Variants in SLC6A11 observed in about 807,000 individuals in gnomAD.
SLC6A11 encodes solute carrier family 6 member 11, also known as sodium- and chloride-dependent GABA transporter 3.
In SLC6A11, 25 loss-of-function variants were observed where a neutral mutation model predicts 74.8. That is an observed-to-expected ratio of 0.33 (90% confidence interval 0.24 to 0.47). The LOEUF (loss-of-function observed/expected upper bound fraction) is 0.47. Ranked by LOEUF, SLC6A11 falls within the 20% of genes least tolerant of loss-of-function variation. SLC6A11 has a pLI of 1.00. For synonymous variants in SLC6A11, 330 were observed against 330.2 expected (o/e 1.00, Z 0.01); for missense variants, 574 against 837.0 (o/e 0.69, Z 3.88).
chr3:10,914,185 A>G (rs553415846), intron 7 of SLC6A11, among the ~76,000 whole-genome samples: 2 of 152,158 alleles, frequency 1.3e-5, no homozygotes, highest in Non-Finnish European at 2.9e-5. Flanking sequence ...CGTCCCTCCC[A>G]CATTACCCCA....
chr3:10,892,614 C>G (rs1327614708), intron 6 of SLC6A11, among the ~76,000 whole-genome samples: 3 of 151,052 alleles, frequency 2.0e-5, no homozygotes, highest in East Asian at 3.9e-4. Context: ...TATTTTCCCC[C>G]TTATGATCCA....
intron 5 of SLC6A11, among the ~76,000 whole-genome samples, chr3:10,868,344 C>A (rs1694789615): frequency 6.6e-6 from 1 of 152,186 alleles, no homozygotes; most frequent in South Asian, 2.1e-4. Flanking sequence ...TGTGGCATTC[C>A]AAATGATCAG....
rs141782826 is a variant in SLC6A11 at position 10,835,622 on chromosome 3, G to A, written c.624-8592G>A. Among the ~76,000 whole-genome samples, 62 of 152,284 alleles carry A rather than the reference G, an allele frequency of 4.1e-4. No homozygotes were observed. The East Asian group carries it at 0.011, about 27-fold the overall frequency. On this transcript the variant is annotated intron_variant, in intron 4 of 13. Coordinates refer to ENST00000254488, the MANE Select transcript of SLC6A11 (RefSeq NM_014229.3). The stretch of plus-strand genomic sequence containing the variant: ...CACCCTCCAGCCACAGAGGGGCAGC[G>A]CAGGCATTAAACTTGGGATCAAGAG...
chr3:10,868,946 A>G (rs1056109712), intron 5 of SLC6A11, among the ~76,000 whole-genome samples: 7 of 152,152 alleles, frequency 4.6e-5, no homozygotes, highest in African/African-American at 1.2e-4. Context: ...ATCTGATTCA[A>G]TTTTCTGAAT....
intron 3 of SLC6A11, among the ~76,000 whole-genome samples, chr3:10,822,597 G>A (rs1399866675): frequency 6.6e-6 from 1 of 152,204 alleles, no homozygotes; most frequent in Non-Finnish European, 1.5e-5. Flanking sequence ...TCAGGGGAGG[G>A]AGGTTGGGGA....
At chr3:10,902,812 A>G (rs1695257055) in intron 6 of SLC6A11, among the ~76,000 whole-genome samples, 1 of 152,146 alleles carries the variant, frequency 6.6e-6, no homozygotes, top group South Asian at 2.1e-4. Flanking sequence ...CAATTAGGAG[A>G]TTCATTTGTT....
intron 5 of SLC6A11, among the ~76,000 whole-genome samples, chr3:10,873,495 C>A (rs1559566803): frequency 6.6e-6 from 1 of 151,508 alleles, no homozygotes; most frequent in African/African-American, 2.4e-5. Flanking sequence ...CTACCCTATG[C>A]TATCCTATCC....
chr3:10,849,399 G>C (rs1397576312), intron 5 of SLC6A11, among the ~76,000 whole-genome samples: 1 of 152,046 alleles, frequency 6.6e-6, no homozygotes, highest in Non-Finnish European at 1.5e-5. Context: ...GCCCATCCCT[G>C]TCACCAGCTC....
intron 6 of SLC6A11, among the ~76,000 whole-genome samples, chr3:10,897,168 A>C (rs1474622761): frequency 1.3e-5 from 2 of 152,140 alleles, no homozygotes; most frequent in Non-Finnish European, 2.9e-5. Flanking sequence ...CTCCTATAAC[A>C]CGTAGGAATT....
intron 1 of SLC6A11, among the ~76,000 whole-genome samples, chr3:10,817,406 G>GT (rs1694077731): frequency 6.6e-6 from 1 of 152,176 alleles, no homozygotes; most frequent in African/African-American, 2.4e-5. Flanking sequence ...CAGCGAATCC[G>GT]TAACTCTCCC....
In SLC6A11 at chr3:10,816,430, C is replaced by G. The variant is rs746661411; in HGVS notation, c.165C>G (p.Asn55Lys). Residue 55 changes from asparagine to lysine, a missense_variant, in exon 1 of 14, where the codon AAC becomes AAG. Coordinates refer to ENST00000254488, the MANE Select transcript of SLC6A11 (RefSeq NM_014229.3). The surrounding 1 kb of genome is among the most constrained non-coding windows in gnomAD (Gnocchi z 4.2). ...TCCACGAGCGCGGCCACTGGAACAA[C>G]AAGGTGGAGTTCGTGCTGAGCGTGG... ...KAVHERGHWN[N>K]KVEFVLSVAG... The G allele has an allele frequency of 6.2e-7, 1 of 1,602,678 alleles. No homozygotes were observed. Among genetic ancestry groups the G allele is most frequent in the Non-Finnish European group, 8.5e-7 (1 of 1,175,220 alleles).
chr3:10,921,481 A>C (rs1026406358), intron 8 of SLC6A11, among the ~76,000 whole-genome samples: 1 of 152,246 alleles, frequency 6.6e-6, no homozygotes, highest in Non-Finnish European at 1.5e-5. Flanking sequence ...GGTAGAGCTA[A>C]AAAGCTAGTA....
At chr3:10,908,271 G>A (rs1695336159) in intron 6 of SLC6A11, among the ~76,000 whole-genome samples, 1 of 152,224 alleles carries the variant, frequency 6.6e-6, no homozygotes, top group Non-Finnish European at 1.5e-5. Flanking sequence ...TTAACTGGAA[G>A]CAAATGGATA....
Position 10,933,139 on chromosome 3 carries a change from C to T in SLC6A11, c.1372-12C>T. The T allele has an allele frequency of 1.2e-6, 2 of 1,605,154 alleles. No individual in the cohort carries two copies. The highest frequency in any genetic ancestry group is 1.1e-5 in the South Asian group (1 of 90,902). On this transcript the variant is annotated splice_polypyrimidine_tract_variant and intron_variant, in intron 10 of 13. Transcript: ENST00000254488. ...TCACCTCCCATCCGTGTGTCTGTTC[C>T]CCGACCTGCAGGGTGGCATGTACAT...
At chr3:10,881,611 G>C (rs1365347256) in intron 6 of SLC6A11, among the ~76,000 whole-genome samples, 1 of 152,212 alleles carries the variant, frequency 6.6e-6, no homozygotes, top group East Asian at 1.9e-4. Context: ...TCGTGCTCCA[G>C]TAATAACCGT....
At chr3:10,868,216 C>T (rs984125159) in intron 5 of SLC6A11, among the ~76,000 whole-genome samples, 1 of 152,134 alleles carries the variant, frequency 6.6e-6, no homozygotes, top group African/African-American at 2.4e-5. Flanking sequence ...ATTTTGTGGT[C>T]CTAGGTTCTT....
intron 5 of SLC6A11, among the ~76,000 whole-genome samples, chr3:10,868,604 G>T (rs1694792388): frequency 6.6e-6 from 1 of 152,202 alleles, no homozygotes; most frequent in African/African-American, 2.4e-5. Flanking sequence ...TGGACTGAGG[G>T]TTCTGACAGA....
intron 3 of SLC6A11, among the ~76,000 whole-genome samples, chr3:10,821,662 T>C (rs1320043645): frequency 6.6e-6 from 1 of 152,230 alleles, no homozygotes; most frequent in Non-Finnish European, 1.5e-5. Flanking sequence ...TTCTGTAGTA[T>C]AGTTGGTATT....
chr3:10,865,500 A>G (rs932164628), intron 5 of SLC6A11, among the ~76,000 whole-genome samples: 1 of 152,182 alleles, frequency 6.6e-6, no homozygotes, highest in Non-Finnish European at 1.5e-5. Context: ...CGTCTCTACT[A>G]AAAATACAAA....
Sources: allele counts gnomAD v4.1 joint callset (sites outside exome capture counted in the v4.1 genomes callset), GRCh38; gene constraint gnomAD v4.1.1; non-coding constraint Gnocchi (gnomAD v3.1); transcripts MANE v1.5; gene names NCBI Gene and HGNC (gene_info 2026-07-23, HGNC 2026-07-21).